Variants in PRDM2 observed in about 807,000 individuals in gnomAD.
PRDM2 encodes PR domain zinc finger protein 2.
A neutral mutation model predicts 130.0 loss-of-function variants in PRDM2; 30 were observed. That is an observed-to-expected ratio of 0.23 (90% CI 0.17 to 0.31). PRDM2 has a LOEUF of 0.31. PRDM2 is among the 10% of genes least tolerant of loss of function. The probability of loss-of-function intolerance (pLI) is 1.00; values close to 1 mark genes in which losing one functional copy is unlikely to be tolerated. For synonymous variants in PRDM2, 871 were observed against 782.4 expected (o/e 1.11, Z -1.89); for missense variants, 2,011 against 2,108.4 (o/e 0.95, Z 0.90).
At chr1:13,789,370 C>T (rs1194251065) in intron 8 of PRDM2, among the ~76,000 whole-genome samples, 1 of 152,212 alleles carries the variant, frequency 6.6e-6, no homozygotes, top group African/African-American at 2.4e-5. Context: ...GTATTGAGTA[C>T]TTAATGTATG....
intron 7 of PRDM2, among the ~76,000 whole-genome samples, chr1:13,777,900 C>T (rs971729159): frequency 1.3e-4 from 20 of 152,024 alleles, no homozygotes; most frequent in Non-Finnish European, 2.5e-4. Context: ...AATGTTCTAG[C>T]TTCTGAGAAT....
chr1:13,721,936 C>T (rs997003484), intron 2 of PRDM2, among the ~76,000 whole-genome samples: 4 of 152,128 alleles, frequency 2.6e-5, no homozygotes, highest in African/African-American at 7.2e-5. Flanking sequence ...GTGCCTACCC[C>T]GTGTGGTTGC....
chr1:13,786,264 A>G (rs907815323), intron 8 of PRDM2, among the ~76,000 whole-genome samples: 2 of 131,410 alleles, frequency 1.5e-5, no homozygotes. Flanking sequence ...TTTACCAGGA[A>G]TTGATTTAAA....
At position 13,782,639 on chromosome 1, in the gene PRDM2, T is replaced by A; in HGVS notation, c.4844T>A (p.Val1615Glu). The change falls in exon 8 of 10, where the codon GTA becomes GAA. Residue 1615 changes from valine (V) to glutamate (E), a missense_variant. Physicochemically the swap from Val to Glu is moderately radical, Grantham distance 121. Around this residue, in one of 5 missense-constraint regions of PRDM2, gnomAD observed 410 missense variants for 395.9 expected, o/e 1.04. Coordinates refer to ENST00000311066, the MANE Select transcript of PRDM2 (RefSeq NM_001393986.1). ...ACATCACGGAGCCTGCACGTGAGGG[T>A]ACAGAAAAGCAAAGCTGTTTTACAA... ...SKTSRSLHVR[V>E]QKSKAVLQSK... 6.2e-7 allele frequency: 1 copy of A among 1,614,060 alleles called. No individual in the cohort carries two copies. The highest frequency in any genetic ancestry group is 1.7e-5 in the Admixed American group (1 of 60,024).
chr1:13,705,895 T>A (rs759927127), intron 1 of PRDM2, among the ~76,000 whole-genome samples: 37 of 147,972 alleles, frequency 2.5e-4, no homozygotes, highest in Non-Finnish European at 4.6e-4. Context: ...GGCAGAAGAA[T>A]CGCTTGAACC....
chr1:13,813,333 C>CA (rs1483805579), intron 8 of PRDM2, among the ~76,000 whole-genome samples: 10 of 152,112 alleles, frequency 6.6e-5, no homozygotes, highest in South Asian at 4.1e-4. Context: ...CCTTGGTCCT[C>CA]GGTATTTAAC....
At chr1:13,804,649 C>T (rs1645060517) in intron 8 of PRDM2, among the ~76,000 whole-genome samples, 1 of 152,134 alleles carries the variant, frequency 6.6e-6, no homozygotes, top group Non-Finnish European at 1.5e-5. Context: ...AGGATCTAGA[C>T]CAGTGGCCTG....
chr1:13,705,981 CAA>C (rs61072408), intron 1 of PRDM2, among the ~76,000 whole-genome samples: 666 of 56,726 alleles, frequency 0.012, 7 homozygotes, highest in African/African-American at 0.038. Context: ...GACTCCGTCT[CAA>C]AAAAAAAAAA....
At chr1:13,811,345 C>A (rs562465594) in intron 8 of PRDM2, among the ~76,000 whole-genome samples, 1 of 152,320 alleles carries the variant, frequency 6.6e-6, no homozygotes, top group African/African-American at 2.4e-5. Flanking sequence ...ACCATGCCAT[C>A]ACCATAACCC....
At chr1:13,811,223 T>C (rs1027690726) in intron 8 of PRDM2, among the ~76,000 whole-genome samples, 7 of 151,934 alleles carry the variant, frequency 4.6e-5, no homozygotes, top group African/African-American at 1.7e-4. Context: ...TGGGCACTGG[T>C]TGTGGATGGC....
rs1312692057 is a variant in PRDM2 at position 13,803,117 on chromosome 1, G to A, written c.5037-13310G>A. On this transcript the variant is annotated intron_variant, in intron 8 of 9. Transcript: ENST00000311066. This position sits in a 1 kb window ranked among gnomAD's most constrained non-coding sequence, Gnocchi z 6.2. ...TGGGGAAGGTGGGCTGGGGAGGCCT[G>A]AGGGCTGTAGGGTTAGGTTCACAGA... is the stretch of plus-strand genomic sequence containing the variant. Among the ~76,000 whole-genome samples the A allele has an allele frequency of 1.3e-5, 2 of 152,218 alleles. No individual in the cohort carries two copies. Among genetic ancestry groups the A allele is most frequent in the African/African-American group, 2.4e-5 (1 of 41,472 alleles).
intron 8 of PRDM2, among the ~76,000 whole-genome samples, chr1:13,808,377 T>G (rs1645117803): frequency 6.9e-6 from 1 of 144,986 alleles, no homozygotes; most frequent in East Asian, 2.0e-4. Flanking sequence ...GGCAGGAGAA[T>G]GGCGTGAACA....
intron 8 of PRDM2, among the ~76,000 whole-genome samples, chr1:13,812,230 A>C (rs1645185381): frequency 6.6e-6 from 1 of 152,168 alleles, no homozygotes; most frequent in Non-Finnish European, 1.5e-5. Flanking sequence ...TGTTGATGCC[A>C]CAGGTTGTGC....
chr1:13,733,941 T>C (rs1643188783), intron 4 of PRDM2, among the ~76,000 whole-genome samples: 1 of 152,244 alleles, frequency 6.6e-6, no homozygotes, highest in Non-Finnish European at 1.5e-5. Flanking sequence ...CTAGGAAGTG[T>C]GTGGACACTT....
chr1:13,812,632 C>T (rs1419868981), intron 8 of PRDM2, among the ~76,000 whole-genome samples: 5 of 152,114 alleles, frequency 3.3e-5, no homozygotes, highest in Non-Finnish European at 7.4e-5. Context: ...TGGAGGGGCC[C>T]GGCAGGCAGT....
chr1:13,766,805 A>G (rs1003177864), intron 6 of PRDM2, among the ~76,000 whole-genome samples: 1 of 152,186 alleles, frequency 6.6e-6, no homozygotes, highest in African/African-American at 2.4e-5. Context: ...TATAGTTTTA[A>G]ATTTAATTCA....
rs892483351 is a variant in PRDM2 at position 13,806,933 on chromosome 1, G to A, written c.5037-9494G>A. Among the ~76,000 whole-genome samples, 7 of 152,062 alleles carry A rather than the reference G, an allele frequency of 4.6e-5. No homozygotes were observed. The highest frequency in any genetic ancestry group is 1.9e-4 in the East Asian group (1 of 5,186). ...CTGGAACGCACAAGGCGTAGTATCC[G>A]GACCGATTGATCCCCCCACCCCAGG... On this transcript the variant is annotated intron_variant, in intron 8 of 9. Coordinates refer to ENST00000311066, the MANE Select transcript of PRDM2 (RefSeq NM_001393986.1). This position sits in a 1 kb window ranked among gnomAD's most constrained non-coding sequence, Gnocchi z 4.1.
intron 8 of PRDM2, among the ~76,000 whole-genome samples, chr1:13,783,452 A>T (rs1644668344): frequency 6.6e-6 from 1 of 152,224 alleles, no homozygotes; most frequent in Non-Finnish European, 1.5e-5. Context: ...GAAGCAGAGC[A>T]GGAGAGACAT....
chr1:13,800,742 C>T (rs983702898), intron 8 of PRDM2, among the ~76,000 whole-genome samples: 10 of 152,218 alleles, frequency 6.6e-5, no homozygotes, highest in African/African-American at 2.4e-4. Flanking sequence ...TGTACCCATA[C>T]TGACTCCCTG....
Sources: gnomAD v4.1 joint callset for allele counts (sites outside exome capture counted in the v4.1 genomes callset) on GRCh38, gnomAD v4.1.1 for gene constraint, gnomAD v4.1.1 regional missense constraint, Gnocchi (gnomAD v3.1) non-coding constraint, MANE v1.5 for transcripts, NCBI Gene and HGNC (gene_info 2026-07-23, HGNC 2026-07-21) for gene names.